The following SPAG17 variants were observed in gnomAD, a reference collection of about 807,000 sequenced individuals.
The protein encoded by SPAG17 is sperm-associated antigen 17.
A neutral mutation model predicts 273.6 loss-of-function variants in SPAG17; 169 were observed. The observed-to-expected ratio is 0.62, with a 90% CI of 0.55 to 0.70. The LOEUF is 0.70. Among genes scored for constraint, SPAG17 ranks in the 30% least tolerant of loss-of-function variants. The probability of loss-of-function intolerance (pLI) is 0.00; values close to 1 mark genes in which losing one functional copy is unlikely to be tolerated. For synonymous variants in SPAG17, 825 were observed against 873.2 expected, an observed-to-expected ratio of 0.94 and a Z score of 0.97; for missense variants, 2,557 against 2,627.8, an observed-to-expected ratio of 0.97 and a Z score of 0.59.
At chr1:118,009,465 A>G (rs1439862726) in intron 30 of SPAG17, among the ~76,000 whole-genome samples, 3 of 152,160 alleles carry the variant, frequency 2.0e-5, no homozygotes, top group Non-Finnish European at 4.4e-5. Flanking sequence ...GGTTCAGAAG[A>G]GTGGAAGGCT....
chr1:117,972,571 C>T (rs755564965), intron 44 of SPAG17, among the ~76,000 whole-genome samples: 1 of 152,208 alleles, frequency 6.6e-6, no homozygotes, highest in African/African-American at 2.4e-5. Context: ...GCAGTGCTGA[C>T]ATCATCTCAG....
At position 118,097,723 on chromosome 1, in the gene SPAG17, A is replaced by G. The variant is rs2102209631; in HGVS notation, c.958T>C (p.Tyr320His). ...TNLFDVARLE[Y>H]MVKAADFPSD... ...GGAAAATCAGCTGCTTTGACCATGT[A>G]CTCAAGTCGAGCAACATCAAAGAGA... Residue 320 changes from tyrosine (Y) to histidine (H), a missense_variant, in exon 7 of 49, where the codon TAC becomes CAC. Transcript: ENST00000336338. The G allele has an allele frequency of 5.0e-6, 8 of 1,610,738 alleles. No homozygotes were observed. Among genetic ancestry groups the G allele is most frequent in the Non-Finnish European group, 5.1e-6 (6 of 1,178,836 alleles).
intron 31 of SPAG17, among the ~76,000 whole-genome samples, chr1:118,006,106 C>T (rs12144614): frequency 0.065 from 9,959 of 152,090 alleles, 523 homozygotes; most frequent in East Asian, 0.31. Context: ...GATCTTTTTC[C>T]GAAATATAAT....
chr1:118,075,094 G>T lies in SPAG17; in HGVS notation c.2210-494C>A, dbSNP rs142983075. ...ATAAGTGCACTTCCTATTGGAAAAT[G>T]ATACGCTTTCACCATTCTGCAGAGC... On this transcript the variant is annotated intron_variant, in intron 15 of 48. Transcript: ENST00000336338. Among the ~76,000 whole-genome samples the T allele has an allele frequency of 2.9e-3, 449 of 152,310 alleles. 11 individuals carry two copies. In the East Asian group the frequency reaches 0.055, roughly 19 times the overall value.
At chr1:118,002,775 A>G (rs1173747391) in intron 32 of SPAG17, among the ~76,000 whole-genome samples, 1 of 152,052 alleles carries the variant, frequency 6.6e-6, no homozygotes, top group Non-Finnish European at 1.5e-5. Flanking sequence ...GTGACTCTTT[A>G]TCCAATTTGC....
intron 3 of SPAG17, among the ~76,000 whole-genome samples, chr1:118,128,611 A>G (rs918604719): frequency 7.9e-5 from 12 of 152,268 alleles, no homozygotes; most frequent in African/African-American, 2.9e-4. Flanking sequence ...TCAGTCTGAG[A>G]CTAGTGATTG....
intron 3 of SPAG17, among the ~76,000 whole-genome samples, chr1:118,130,933 T>A (rs901711367): frequency 1.3e-5 from 2 of 152,176 alleles, no homozygotes; most frequent in African/African-American, 4.8e-5. Flanking sequence ...AGCACCATGT[T>A]TTTAGAATCT....
At chr1:118,161,689 C>T (rs1659927111) in intron 1 of SPAG17, among the ~76,000 whole-genome samples, 1 of 152,084 alleles carries the variant, frequency 6.6e-6, no homozygotes, top group Non-Finnish European at 1.5e-5. Flanking sequence ...AGGCGCCCGC[C>T]CCCACCTGGC....
chr1:118,135,926 A>G (rs978665415), intron 3 of SPAG17, among the ~76,000 whole-genome samples: 3 of 152,166 alleles, frequency 2.0e-5, no homozygotes, highest in African/African-American at 7.2e-5. Context: ...GGAAGAGAGC[A>G]AACTTTGGAT....
At chr1:118,076,852 C>T in intron 15 of SPAG17, among the ~76,000 whole-genome samples, 1 of 151,908 alleles carries the variant, frequency 6.6e-6, no homozygotes. Flanking sequence ...AACAGCTTTC[C>T]TAATCTGTTT....
At chr1:118,006,644 T>C (rs1658917114) in intron 31 of SPAG17, among the ~76,000 whole-genome samples, 1 of 152,204 alleles carries the variant, frequency 6.6e-6, no homozygotes, top group Non-Finnish European at 1.5e-5. Context: ...TAAGTTTACC[T>C]TTTGAGGAAG....
intron 6 of SPAG17, among the ~76,000 whole-genome samples, chr1:118,098,907 G>C (rs1227634698): frequency 6.6e-6 from 1 of 152,154 alleles, no homozygotes; most frequent in Non-Finnish European, 1.5e-5. Context: ...ACAAAACACT[G>C]TGCAAATGAT....
chr1:118,151,374 T>TA lies in SPAG17; in HGVS notation c.88-6dup. On this transcript the variant is annotated splice_polypyrimidine_tract_variant and splice_region_variant and intron_variant, in intron 1 of 48. Transcript: ENST00000336338. The stretch of plus-strand genomic sequence containing the variant: ...AATGGAGGCCTGCCAATCGTTCTAT[T>TA]AAAAATCAGACGGAATTAGATTTTA... 6.2e-7 allele frequency: 1 copy of TA among 1,610,616 alleles called. No individual in the cohort carries two copies. The highest frequency in any genetic ancestry group is 8.5e-7 in the Non-Finnish European group (1 of 1,177,836).
At chr1:118,031,264 T>G (rs554278720) in intron 25 of SPAG17, among the ~76,000 whole-genome samples, 1 of 149,018 alleles carries the variant, frequency 6.7e-6, no homozygotes, top group South Asian at 2.1e-4. Flanking sequence ...CACATCAATA[T>G]CTAAGACCAA....
intron 27 of SPAG17, among the ~76,000 whole-genome samples, chr1:118,024,323 T>C (rs1017145477): frequency 6.6e-6 from 1 of 152,132 alleles, no homozygotes; most frequent in Admixed American, 6.6e-5. Flanking sequence ...TTTTTGATCA[T>C]TCACAATTAT....
chr1:118,099,700 G>A lies in SPAG17; in HGVS notation c.735C>T (p.Thr245=). Residue 245 remains threonine, a synonymous_variant, in exon 6 of 49, where the codon ACC becomes ACT. Transcript: ENST00000336338. The part of the protein sequence containing the change: ...AIMAELGIPI[T]SVIKISSENY... ...TCTCTGAAGATATTTTAATCACGCT[G>A]GTTATAGGAATGCCAAGCTCAGCCA... 6.2e-7 allele frequency: 1 copy of A among 1,613,926 alleles called. No homozygotes were observed. Among genetic ancestry groups the A allele is most frequent in the Admixed American group, 1.7e-5 (1 of 59,990 alleles).
chr1:117,999,287 C>T (rs1266352924), intron 32 of SPAG17, among the ~76,000 whole-genome samples: 1 of 152,128 alleles, frequency 6.6e-6, no homozygotes, highest in Non-Finnish European at 1.5e-5. Flanking sequence ...CGGCAGTAAA[C>T]ATACGTGTGC....
Position 118,066,879 on chromosome 1 carries a change from C to T in SPAG17, c.2406G>A (p.Lys802=), listed in dbSNP as rs1485063399. The stretch of plus-strand genomic sequence containing the variant: ...AGTAAGAATCAACACACCTATATTG[C>T]TTATGGGCTTCTTGAAGGACCTGAA... ...VLLQVLQEAH[K]QYRCVDSYYH... The change falls in exon 18 of 49, where the codon AAG becomes AAA. Residue 802 remains lysine (K), a synonymous_variant. Transcript: ENST00000336338. 6.2e-7 allele frequency: 1 copy of T among 1,602,110 alleles called. No individual in the cohort carries two copies.
chr1:118,057,409 C>G (rs1651821662), intron 18 of SPAG17, among the ~76,000 whole-genome samples: 1 of 152,092 alleles, frequency 6.6e-6, no homozygotes. Flanking sequence ...AACTCTTAAT[C>G]AGATCATGTC....
Sources: allele counts gnomAD v4.1 joint callset (sites outside exome capture counted in the v4.1 genomes callset), GRCh38; gene constraint gnomAD v4.1.1; transcripts MANE v1.5; gene names NCBI Gene and HGNC (gene_info 2026-07-23, HGNC 2026-07-21).